Variants in QKI observed in about 807,000 individuals in gnomAD.
The protein encoded by QKI is KH domain-containing RNA-binding protein QKI.
Under a neutral mutation model 39.0 loss-of-function variants are expected in QKI, and 10 were observed. The ratio of observed to expected loss-of-function variants is 0.26; its 90% CI spans 0.16 to 0.43. QKI has a LOEUF of 0.43. Ranked by LOEUF, QKI falls within the 20% of genes least tolerant of loss-of-function variation. The pLI is 1.00. For synonymous variants in QKI, 204 were observed against 155.4 expected, an observed-to-expected ratio of 1.31 and a Z score of -2.33; for missense variants, 218 against 428.0, an observed-to-expected ratio of 0.51 and a Z score of 4.33.
At chr6:163,469,958 G>A (rs1464734909) in intron 2 of QKI, among the ~76,000 whole-genome samples, 1 of 152,134 alleles carries the variant, frequency 6.6e-6, no homozygotes, top group African/African-American at 2.4e-5. Flanking sequence ...AGTGCCAGTA[G>A]ACTTGTGTTT....
At position 163,572,313 on chromosome 6, in the gene QKI, A is replaced by C. The variant is rs924287996; in HGVS notation, c.*1603A>C. 6.6e-6 allele frequency: 1 copy of C among 152,168 alleles called. No homozygotes were observed. The highest frequency in any genetic ancestry group is 1.5e-5 in the Non-Finnish European group (1 of 68,032). 9.4% of individuals were successfully genotyped at this position (152,168 alleles called of 1,614,324 possible). A position where few individuals can be genotyped will look rare whatever the true frequency, so the allele number is the denominator to read the frequency against. ...ATTGAATATAATAGGATACCTAGCAAATGTTTTCACAAAAGTGAATCTTTG... is the reference window on the plus strand; with the variant it reads ...ATTGAATATAATAGGATACCTAGCACATGTTTTCACAAAAGTGAATCTTTG... On this transcript the variant is annotated 3_prime_UTR_variant, in exon 8 of 8. Transcript: ENST00000361752.
At chr6:163,467,267 T>G (rs1232299887) in intron 2 of QKI, among the ~76,000 whole-genome samples, 2 of 152,222 alleles carry the variant, frequency 1.3e-5, no homozygotes, top group African/African-American at 4.8e-5. Context: ...TACCTTGTAT[T>G]AAATCATCAC....
At chr6:163,569,733 A>G (rs1390436720) in intron 7 of QKI, 11 of 996,526 alleles carry the variant, frequency 1.1e-5, no homozygotes, top group African/African-American at 1.7e-5. Context: ...ATAAAAATAT[A>G]AAGCAGGAAT....
intron 1 of QKI, among the ~76,000 whole-genome samples, chr6:163,434,288 A>G (rs1265081136): frequency 6.6e-6 from 1 of 152,222 alleles, no homozygotes; most frequent in African/African-American, 2.4e-5. Flanking sequence ...CTAGGTTCAC[A>G]GATTACTACT....
intron 7 of QKI, chr6:163,569,443 A>G (rs1185029200): frequency 1.6e-6 from 2 of 1,277,914 alleles, no homozygotes; most frequent in African/African-American, 1.5e-5. Flanking sequence ...CTTAGTCACA[A>G]TGGCAACAGT....
At chr6:163,430,373 A>C (rs1223626788) in intron 1 of QKI, among the ~76,000 whole-genome samples, 2 of 152,134 alleles carry the variant, frequency 1.3e-5, no homozygotes, top group Non-Finnish European at 2.9e-5. Flanking sequence ...TTTTTGGAGA[A>C]GAGGGGTATC....
chr6:163,473,644 C>T (rs1464725172), intron 2 of QKI, among the ~76,000 whole-genome samples: 2 of 152,070 alleles, frequency 1.3e-5, no homozygotes, highest in African/African-American at 4.8e-5. Context: ...AAAATGGATA[C>T]AACTTAAAAA....
chr6:163,480,843 C>A (rs117359823), intron 3 of QKI, among the ~76,000 whole-genome samples: 2 of 152,222 alleles, frequency 1.3e-5, no homozygotes, highest in East Asian at 3.9e-4. Context: ...ATATATAAAT[C>A]TGTATGAAAA....
At chr6:163,511,706 A>C (rs550661414) in intron 3 of QKI, among the ~76,000 whole-genome samples, 1 of 152,194 alleles carries the variant, frequency 6.6e-6, no homozygotes, top group South Asian at 2.1e-4. Flanking sequence ...ATTAAAAATT[A>C]TTCCACCAAG....
chr6:163,486,186 T>C (rs1203146387), intron 3 of QKI, among the ~76,000 whole-genome samples: 1 of 152,238 alleles, frequency 6.6e-6, no homozygotes, highest in Non-Finnish European at 1.5e-5. Context: ...AGTTGCTCAT[T>C]TCTACCTGAA....
chr6:163,436,295 A>G (rs546369618), intron 1 of QKI, among the ~76,000 whole-genome samples: 2 of 152,338 alleles, frequency 1.3e-5, no homozygotes, highest in East Asian at 3.9e-4. Context: ...GCTTCCATAC[A>G]CAACCCTGAT....
rs781342329 is a variant in QKI at position 163,570,672 on chromosome 6, T to TG, written c.1010-22_1010-21insG. On this transcript the variant is annotated intron_variant, in intron 7 of 7. Coordinates refer to ENST00000361752, the MANE Select transcript of QKI (RefSeq NM_006775.3). ...TTCTTTTCTTTTTTTTGTTTTGTTT[T>TG]TTTTTGTTTCTAACCACCCAGCCGC... 7 of 1,611,556 alleles carry TG rather than the reference T, an allele frequency of 4.3e-6. No individual in the cohort carries two copies. In the African/African-American group the frequency reaches 9.4e-5, roughly 22 times the overall value.
intron 1 of QKI, among the ~76,000 whole-genome samples, chr6:163,417,575 C>A (rs1787624502): frequency 6.6e-6 from 1 of 152,084 alleles, no homozygotes; most frequent in Non-Finnish European, 1.5e-5. Context: ...TCTTTCAAAT[C>A]CAGAAATTTC....
chr6:163,469,364 C>A (rs527885630), intron 2 of QKI, among the ~76,000 whole-genome samples: 1 of 152,168 alleles, frequency 6.6e-6, no homozygotes, highest in African/African-American at 2.4e-5. Context: ...TATCTCTGTT[C>A]ATAATGCATT....
intron 2 of QKI, among the ~76,000 whole-genome samples, chr6:163,472,203 T>C (rs189178035): frequency 6.6e-6 from 1 of 152,286 alleles, no homozygotes; most frequent in Admixed American, 6.5e-5. Context: ...ATTAACACTG[T>C]ATTCTTACAA....
chr6:163,512,223 G>GTAATATACTCAGCAGTAAAA (rs889830652), intron 3 of QKI, among the ~76,000 whole-genome samples: 4 of 151,924 alleles, frequency 2.6e-5, no homozygotes, highest in Non-Finnish European at 5.9e-5. Context: ...AAAAGACATA[G>GTAATATACTCAGCAGTAAAA]TAATATACTC....
chr6:163,455,641 A>G (rs943508478), intron 2 of QKI, among the ~76,000 whole-genome samples: 2 of 152,076 alleles, frequency 1.3e-5, no homozygotes, highest in African/African-American at 2.4e-5. Context: ...CATGGTATAG[A>G]CTCTTGGGTT....
intron 3 of QKI, among the ~76,000 whole-genome samples, chr6:163,481,205 C>G (rs1793049255): frequency 6.6e-6 from 1 of 152,126 alleles, no homozygotes. Context: ...TTAAACTTTT[C>G]TACAGAGTTG....
chr6:163,509,904 G>T (rs1779330178), intron 3 of QKI, among the ~76,000 whole-genome samples: 1 of 152,004 alleles, frequency 6.6e-6, no homozygotes, highest in South Asian at 2.1e-4. Context: ...TTGTCAGATT[G>T]TCATCATGGA....
Sources: gnomAD v4.1 joint callset for allele counts (sites outside exome capture counted in the v4.1 genomes callset) on GRCh38, gnomAD v4.1.1 for gene constraint, MANE v1.5 for transcripts, NCBI Gene and HGNC (gene_info 2026-07-23, HGNC 2026-07-21) for gene names.